LONP2: variants seen among roughly 807,000 people sequenced by gnomAD.
LONP2 encodes lon protease homolog 2, peroxisomal.
Under a neutral mutation model 85.6 loss-of-function variants are expected in LONP2, and 60 were observed. The observed-to-expected ratio is 0.70, with a 90% CI of 0.57 to 0.87. The LOEUF (loss-of-function observed/expected upper bound fraction) is 0.87, where lower values mean the gene tolerates loss of function less well. Among genes scored for constraint, LONP2 ranks in the 40% least tolerant of loss-of-function variants. The pLI is 0.00. For missense variants in LONP2, 860 were observed against 1,063.5 expected (o/e 0.81, Z 2.66); for synonymous variants, 395 against 389.7 (o/e 1.01, Z -0.16).
chr16:48,296,212 TA>T, intron 9 of LONP2, 47 bp downstream of exon 9: 1 of 1,586,488 alleles, frequency 6.3e-7, no homozygotes, highest in South Asian at 1.1e-5. Flanking sequence ...TTTCTGACCA[TA>T]ACTTTAAAAT....
At position 48,347,594 on chromosome 16, in the gene LONP2, C is replaced by T. The variant is rs749111858; in HGVS notation, c.2026C>T (p.Arg676Ter). 2.8e-5 allele frequency: 46 copies of T among 1,614,206 alleles called. No individual in the cohort carries two copies. Among genetic ancestry groups the T allele is most frequent in the Non-Finnish European group, 3.7e-5 (44 of 1,180,040 alleles). Residue 676 changes from arginine to a stop codon, truncating the protein, a stop_gained, in exon 13 of 15, where the codon CGA becomes TGA. Coordinates refer to ENST00000285737, the MANE Select transcript of LONP2 (RefSeq NM_031490.5). LOFTEE classifies it high-confidence loss of function. ...AGAAATCATGTTCGTGGAGGCGAGT[C>T]GAATGGATGGCGAGGGCCAGTTAAC... ...GGEIMFVEAS[R>*]MDGEGQLTLT...
intron 7 of LONP2, among the ~76,000 whole-genome samples, chr16:48,275,547 A>C (rs1026470360): frequency 6.6e-6 from 1 of 152,224 alleles, no homozygotes; most frequent in African/African-American, 2.4e-5. Flanking sequence ...TTGCATTATT[A>C]GAGCGATCCC....
chr16:48,255,540 C>G lies in LONP2; in HGVS notation c.469-1070C>G, dbSNP rs1031854236. 2.6e-5 allele frequency among the ~76,000 whole-genome samples: 4 copies of G among 152,164 alleles called. 1 individual carries two copies. Among genetic ancestry groups the G allele is most frequent in the Admixed American group, 1.3e-4 (2 of 15,272 alleles). On this transcript the variant is annotated intron_variant, in intron 2 of 14. Coordinates refer to ENST00000285737, the MANE Select transcript of LONP2 (RefSeq NM_031490.5). The stretch of plus-strand genomic sequence containing the variant: ...ATCTTAACTCCCAGATATACGCTGA[C>G]AGTTGTTTTTCTAAAAGTCATTCAC...
At position 48,357,047 on chromosome 16, in the gene LONP2, T is replaced by C. The variant is rs940625414; in HGVS notation, c.*5245T>C. On this transcript the variant is annotated 3_prime_UTR_variant, in exon 15 of 15. Coordinates refer to ENST00000285737, the MANE Select transcript of LONP2 (RefSeq NM_031490.5). ...TTTCTTTGTCAAGTTTCTAGAGCTATATAAGGATAGCGAAAATATTTGGTT... is the reference window on the plus strand; with the variant it reads ...TTTCTTTGTCAAGTTTCTAGAGCTACATAAGGATAGCGAAAATATTTGGTT... 1 of 152,734 alleles carries C rather than the reference T, an allele frequency of 6.5e-6. No homozygotes were observed. The highest frequency in any genetic ancestry group is 1.5e-5 in the Non-Finnish European group (1 of 68,388). 9.5% of individuals were successfully genotyped at this position (152,734 alleles called of 1,614,324 possible). A position where few individuals can be genotyped will look rare whatever the true frequency, so the allele number is the denominator to read the frequency against.
At chr16:48,318,308 C>T (rs554060070) in intron 11 of LONP2, among the ~76,000 whole-genome samples, 8 of 152,170 alleles carry the variant, frequency 5.3e-5, no homozygotes, top group African/African-American at 1.9e-4. Context: ...CACTTGAGGT[C>T]AGGAGTTTGA....
chr16:48,316,357 C>T (rs1453383649), intron 11 of LONP2, among the ~76,000 whole-genome samples: 21 of 135,424 alleles, frequency 1.6e-4, no homozygotes, highest in South Asian at 2.4e-4. Flanking sequence ...GACGGAGTCT[C>T]GCCCTGTTGC....
intron 8 of LONP2, among the ~76,000 whole-genome samples, chr16:48,290,617 A>T (rs575324650): frequency 6.6e-6 from 1 of 152,334 alleles, no homozygotes; most frequent in South Asian, 2.1e-4. Context: ...TTACTGGTTT[A>T]TTAAAAGAAT....
chr16:48,297,258 A>G (rs1972693029), intron 9 of LONP2, among the ~76,000 whole-genome samples: 1 of 152,234 alleles, frequency 6.6e-6, no homozygotes, highest in Non-Finnish European at 1.5e-5. Context: ...TTGGCCTCCA[A>G]AAGTATAAGG....
At chr16:48,280,534 G>A (rs1384098485) in intron 8 of LONP2, among the ~76,000 whole-genome samples, 1 of 152,084 alleles carries the variant, frequency 6.6e-6, no homozygotes, top group African/African-American at 2.4e-5. Context: ...CTTGTCTGAT[G>A]TAGACCTTGG....
intron 11 of LONP2, among the ~76,000 whole-genome samples, chr16:48,324,006 G>T (rs1973318854): frequency 2.0e-5 from 3 of 152,194 alleles, no homozygotes; most frequent in South Asian, 2.1e-4. Flanking sequence ...AATTCCTCTG[G>T]CTGGGAAGAT....
At chr16:48,327,361 GA>G (rs1286836860) in intron 11 of LONP2, among the ~76,000 whole-genome samples, 5 of 152,168 alleles carry the variant, frequency 3.3e-5, no homozygotes, top group African/African-American at 1.2e-4. Flanking sequence ...GAAAATAGTC[GA>G]AGTGGGATGA....
chr16:48,348,399 G>T, intron 14 of LONP2, 109 bp downstream of exon 14: 29 of 504,910 alleles, frequency 5.7e-5, no homozygotes, highest in Middle Eastern at 6.8e-4. Flanking sequence ...TTGGTTTTAA[G>T]TATATATTAT....
At chr16:48,348,447 T>C (rs1489228657) in intron 14 of LONP2, among the ~76,000 whole-genome samples, 157 bp downstream of exon 14, 1 of 151,806 alleles carries the variant, frequency 6.6e-6, no homozygotes, top group African/African-American at 2.4e-5. Flanking sequence ...TTTAAAATTT[T>C]GATCAAATAA....
chr16:48,359,446 C>T (rs1035747676), downstream of LONP2, among the ~76,000 whole-genome samples: 9 of 152,018 alleles, frequency 5.9e-5, no homozygotes, highest in African/African-American at 1.9e-4. Flanking sequence ...TACGCAAGGC[C>T]GGGCGCGGTG....
At chr16:48,322,715 T>C (rs1283686421) in intron 11 of LONP2, among the ~76,000 whole-genome samples, 1 of 152,120 alleles carries the variant, frequency 6.6e-6, no homozygotes, top group Non-Finnish European at 1.5e-5. Context: ...CCTCTAAAAA[T>C]ATATATAAGA....
intron 8 of LONP2, among the ~76,000 whole-genome samples, chr16:48,287,225 T>G: frequency 6.6e-6 from 1 of 152,246 alleles, no homozygotes; most frequent in East Asian, 1.9e-4. Context: ...TTGCAGAGCC[T>G]CAGTGTCTGC....
intron 4 of LONP2, 21 bp from the exon 5 acceptor site, chr16:48,261,403 C>T: frequency 6.5e-7 from 1 of 1,541,556 alleles, no homozygotes; most frequent in East Asian, 2.3e-5. Context: ...TACGGTTTTA[C>T]TTTTCTGCTT....
intron 2 of LONP2, among the ~76,000 whole-genome samples, 192 bp downstream of exon 2, chr16:48,252,557 C>T (rs1032034471): frequency 6.6e-6 from 1 of 152,120 alleles, no homozygotes; most frequent in African/African-American, 2.4e-5. Context: ...TATTGGCCTA[C>T]CCTTTCTAAA....
intron 1 of LONP2, among the ~76,000 whole-genome samples, chr16:48,246,478 A>G (rs1971393747): frequency 6.6e-6 from 1 of 152,256 alleles, no homozygotes; most frequent in Non-Finnish European, 1.5e-5. Flanking sequence ...CCATGGGCAC[A>G]TTGTGAACTT....
Sources: gnomAD v4.1 joint callset for allele counts (sites outside exome capture counted in the v4.1 genomes callset) on GRCh38, gnomAD v4.1.1 for gene constraint, MANE v1.5 for transcripts, NCBI Gene and HGNC (gene_info 2026-07-23, HGNC 2026-07-21) for gene names.